AEBP2: variants seen among roughly 807,000 people sequenced by gnomAD.
AEBP2 encodes the protein zinc finger protein AEBP2.
AEBP2 carries 10 observed loss-of-function variants against 50.8 expected under a neutral mutation model. That is an observed-to-expected ratio of 0.20 (90% CI 0.12 to 0.33). AEBP2 has a LOEUF of 0.33. Among genes scored for constraint, AEBP2 ranks in the 10% least tolerant of loss-of-function variants. The probability of loss-of-function intolerance (pLI) is 1.00; values close to 1 mark genes in which losing one functional copy is unlikely to be tolerated. For missense variants in AEBP2, 570 were observed against 688.0 expected (o/e 0.83, Z 1.92); for synonymous variants, 296 against 261.3 (o/e 1.13, Z -1.28).
intron 1 of AEBP2, chr12:19,419,088 G>T: frequency 1.2e-5 from 2 of 165,228 alleles, no homozygotes; most frequent in South Asian, 1.8e-4. Context: ...CTTACAGGTT[G>T]ACTTGTGCTG....
intron 3 of AEBP2, among the ~76,000 whole-genome samples, chr12:19,493,316 A>T (rs1948921910): frequency 6.6e-6 from 1 of 152,120 alleles, no homozygotes; most frequent in Non-Finnish European, 1.5e-5. Context: ...CACAAAAATC[A>T]CTTGAACCCA....
Position 19,500,178 on chromosome 12 carries a change from T to C in AEBP2, c.1256T>C (p.Ile419Thr), listed in dbSNP as rs1444650657. ...ATATGCTTTAACCTCTCAGCTCATA[T>C]AGAAAGTTTAGGGAAGGGACACAGT... is the stretch of plus-strand genomic sequence containing the variant. The part of the protein sequence containing the change: ...RAICFNLSAH[I>T]ESLGKGHSVV... The change falls in exon 5 of 8, where the codon ATA (isoleucine) becomes ACA (threonine). Residue 419 changes from isoleucine to threonine, a missense_variant. By Grantham distance (89) the Ile-to-Thr change is moderately conservative (BLOSUM62 -1). Transcript: ENST00000266508. 3 of 1,593,606 alleles carry C rather than the reference T, an allele frequency of 1.9e-6. No homozygotes were observed. Among genetic ancestry groups the C allele is most frequent in the Non-Finnish European group, 2.6e-6 (3 of 1,169,566 alleles).
At position 19,481,273 on chromosome 12, in the gene AEBP2, G is replaced by A. The variant is rs1184568083; in HGVS notation, c.987+7918G>A. On this transcript the variant is annotated intron_variant, in intron 3 of 7. Coordinates refer to ENST00000266508, the MANE Select transcript of AEBP2 (RefSeq NM_153207.5). Reference sequence around the variant, plus strand: ...CCACCACCACACCCAGCTAAGTTTTGTATTTTTTTAGTAGAGGCAGGGTTT... The same window carrying A: ...CCACCACCACACCCAGCTAAGTTTTATATTTTTTTAGTAGAGGCAGGGTTT... 2.7e-5 allele frequency among the ~76,000 whole-genome samples: 4 copies of A among 150,650 alleles called. No homozygotes were observed. In the South Asian group the frequency reaches 8.4e-4, roughly 32 times the overall value.
intron 1 of AEBP2, among the ~76,000 whole-genome samples, chr12:19,455,827 A>G (rs1948260162): frequency 6.6e-6 from 1 of 152,200 alleles, no homozygotes; most frequent in African/African-American, 2.4e-5. Context: ...CATCTCTAAC[A>G]ACGTGTGTGT....
chr12:19,443,080 A>T (rs1947991628), intron 1 of AEBP2, among the ~76,000 whole-genome samples: 1 of 146,692 alleles, frequency 6.8e-6, no homozygotes, highest in South Asian at 2.2e-4. Flanking sequence ...AATTTGTTGA[A>T]CATCTTTGTT....
rs112700014 is a variant in AEBP2 at position 19,405,333 on chromosome 12, A to ATT, written c.-17+1127_-17+1128dup. ...ATTGTTATTTTTATTTTATTTACTT[A>ATT]TTTTTTTTTTTGAGACGGAGTCTCG... On this transcript the variant is annotated intron_variant, in intron 1 of 3. Coordinates refer to the AEBP2 transcript ENST00000538425. Among the ~76,000 whole-genome samples, 26 of 139,764 alleles carry ATT rather than the reference A, an allele frequency of 1.9e-4. No individual in the cohort carries two copies. The East Asian group carries it at 2.2e-3, about 12-fold the overall frequency. 91.7% of individuals were successfully genotyped at this position (139,764 alleles called of 152,430 possible).
chr12:19,474,018 T>C (rs1038641095), intron 3 of AEBP2, among the ~76,000 whole-genome samples: 1 of 152,144 alleles, frequency 6.6e-6, no homozygotes, highest in Non-Finnish European at 1.5e-5. Context: ...GCATTTTCAT[T>C]AGCAAACAAC....
At position 19,424,296 on chromosome 12, in the gene AEBP2, G is replaced by A. The variant is rs147681499; in HGVS notation, c.-17+20080G>A. 7.9e-4 allele frequency among the ~76,000 whole-genome samples: 121 copies of A among 152,270 alleles called. 1 individual carries two copies. Among genetic ancestry groups the A allele is most frequent in the African/African-American group, 2.9e-3 (119 of 41,560 alleles). Reference sequence around the variant, plus strand: ...ATCATGCTCATGAACAGCAGAGAAGGAGCCAGTACAGAGGACAGTGTTGAA... The same window carrying A: ...ATCATGCTCATGAACAGCAGAGAAGAAGCCAGTACAGAGGACAGTGTTGAA... On this transcript the variant is annotated intron_variant, in intron 1 of 3. Transcript: ENST00000538425.
rs1949357320 is a variant in AEBP2, at chr12:19,518,778, T to TAA, written c.*663_*664dup. On this transcript the variant is annotated 3_prime_UTR_variant, in exon 8 of 8. Transcript: ENST00000266508. The stretch of plus-strand genomic sequence containing the variant: ...TCGAATTAGGGCTGAAAATTACTGT[T>TAA]AAAGAGTGTTGCAGTATGTCTGGTG... 2.1e-6 allele frequency: 3 copies of TAA among 1,424,004 alleles called. No homozygotes were observed. The highest frequency in any genetic ancestry group is 2.9e-6 in the Non-Finnish European group (3 of 1,051,660). 88.2% of individuals were successfully genotyped at this position (1,424,004 alleles called of 1,614,324 possible).
intron 1 of AEBP2, chr12:19,456,853 T>C: frequency 6.5e-7 from 1 of 1,530,044 alleles, no homozygotes; most frequent in African/African-American, 1.4e-5. Context: ...ACAGGAACAG[T>C]ACCAATACCA....
At chr12:19,452,957 CGTTCT>C (rs1384789650) in intron 1 of AEBP2, among the ~76,000 whole-genome samples, 1 of 131,702 alleles carries the variant, frequency 7.6e-6, no homozygotes, top group Non-Finnish European at 1.6e-5. Context: ...TATAGACTTA[CGTTCT>C]TTTTTTTTTT....
At chr12:19,492,050 T>A (rs961188440) in intron 3 of AEBP2, among the ~76,000 whole-genome samples, 53 of 152,188 alleles carry the variant, frequency 3.5e-4, no homozygotes, top group African/African-American at 1.2e-3. Context: ...GTGATTTTTT[T>A]AAATGCTATT....
intron 7 of AEBP2, 143 bp downstream of exon 7, chr12:19,514,927 A>G (rs1031617278): frequency 2.0e-5 from 13 of 635,464 alleles, no homozygotes; most frequent in Admixed American, 3.3e-5. Flanking sequence ...TTTTTTTTGG[A>G]TGTGGACTCA....
intron 1 of AEBP2, among the ~76,000 whole-genome samples, chr12:19,459,521 GC>G (rs1391220222): frequency 1.3e-5 from 2 of 152,116 alleles, no homozygotes; most frequent in Non-Finnish European, 2.9e-5. Context: ...GTGAGCCACC[GC>G]GCCCGGCCGG....
intron 1 of AEBP2, among the ~76,000 whole-genome samples, chr12:19,446,605 A>G (rs575286324): frequency 6.6e-6 from 1 of 151,980 alleles, no homozygotes; most frequent in Non-Finnish European, 1.5e-5. Context: ...GGTGGCGGGC[A>G]CCTGTAGTCC....
chr12:19,453,256 A>G (rs1034510960), intron 1 of AEBP2, among the ~76,000 whole-genome samples: 2 of 151,974 alleles, frequency 1.3e-5, no homozygotes. Flanking sequence ...GGCGTGAGCC[A>G]CCGTGCCCGG....
intron 1 of AEBP2, among the ~76,000 whole-genome samples, chr12:19,409,848 C>T (rs371145310): frequency 1.2e-3 from 176 of 152,254 alleles, no homozygotes; most frequent in Admixed American, 2.3e-3. Flanking sequence ...AGGCTTTGTA[C>T]TTAATTACCT....
chr12:19,501,993 T>C (rs1422616484), intron 5 of AEBP2, among the ~76,000 whole-genome samples: 1 of 152,070 alleles, frequency 6.6e-6, no homozygotes, highest in Non-Finnish European at 1.5e-5. Flanking sequence ...CTTAATTATA[T>C]GGGAGGTTTT....
intron 1 of AEBP2, among the ~76,000 whole-genome samples, chr12:19,426,490 T>C (rs528322619): frequency 6.6e-6 from 1 of 152,294 alleles, no homozygotes; most frequent in East Asian, 1.9e-4. Flanking sequence ...TAAGACAGCA[T>C]AAAAGAGTCT....
Sources: allele counts gnomAD v4.1 joint callset (sites outside exome capture counted in the v4.1 genomes callset), GRCh38; gene constraint gnomAD v4.1.1; transcripts MANE v1.5; gene names NCBI Gene and HGNC (gene_info 2026-07-23, HGNC 2026-07-21).